AKAP9: variants seen among roughly 807,000 people sequenced by gnomAD.
The protein encoded by AKAP9 is A-kinase anchor protein 9.
Under a neutral mutation model 488.5 loss-of-function variants are expected in AKAP9, and 311 were observed. That is an observed-to-expected ratio of 0.64 (90% CI 0.58 to 0.70). The LOEUF (loss-of-function observed/expected upper bound fraction) is 0.70. Among genes scored for constraint, AKAP9 ranks in the 30% least tolerant of loss-of-function variants. AKAP9 has a pLI of 0.00. For synonymous variants in AKAP9, 1,462 were observed against 1,483.5 expected, an observed-to-expected ratio of 0.99 and a Z score of 0.33; for missense variants, 4,215 against 4,374.5, an observed-to-expected ratio of 0.96 and a Z score of 1.03.
chr7:92,084,850 T>C lies in AKAP9; in HGVS notation c.8742T>C (p.Tyr2914=). The change falls in exon 35 of 50, where the codon TAT becomes TAC. Residue 2914 remains tyrosine, a synonymous_variant. Coordinates refer to ENST00000356239, the MANE Select transcript of AKAP9 (RefSeq NM_005751.5). The part of the protein sequence containing the change: ...DSGSDWGQGI[Y]LTHSQGFDIA... ...GATCAGACTGGGGTCAGGGAATTTA[T>C]CTTACACACAGTCAGGGATTTGACA... 2 of 1,613,550 alleles carry C rather than the reference T, an allele frequency of 1.2e-6. No individual in the cohort carries two copies. The highest frequency in any genetic ancestry group is 1.7e-6 in the Non-Finnish European group (2 of 1,179,682).
intron 12 of AKAP9, among the ~76,000 whole-genome samples, chr7:92,020,753 C>T (rs1026728903): frequency 3.3e-5 from 5 of 152,118 alleles, no homozygotes; most frequent in Non-Finnish European, 5.9e-5. Flanking sequence ...AAAGGTTGGA[C>T]TGGAAACTTA....
At chr7:91,942,871 A>C (rs1367480342) in intron 1 of AKAP9, among the ~76,000 whole-genome samples, 1 of 152,064 alleles carries the variant, frequency 6.6e-6, no homozygotes, top group Non-Finnish European at 1.5e-5. Flanking sequence ...TTTTTCCAGT[A>C]AGATATAAAT....
chr7:92,073,881 A>G (rs184862708), intron 28 of AKAP9, among the ~76,000 whole-genome samples: 1 of 152,374 alleles, frequency 6.6e-6, no homozygotes, highest in African/African-American at 2.4e-5. Context: ...TTAACTCAAG[A>G]TGGATTAAAG....
intron 39 of AKAP9, 148 bp from the exon 40 acceptor site, chr7:92,094,875 C>A (rs924440699): frequency 7.4e-6 from 5 of 679,360 alleles, no homozygotes; most frequent in African/African-American, 1.8e-5. Flanking sequence ...TTGAAATGAA[C>A]CCCAGTCAAG....
At position 92,061,380 on chromosome 7, in the gene AKAP9, A is replaced by G. The variant is rs780599681; in HGVS notation, c.5722A>G (p.Arg1908Gly). 96 of 1,612,916 alleles carry G rather than the reference A, an allele frequency of 6.0e-5. No individual in the cohort carries two copies. In the South Asian group the frequency reaches 7.8e-4, roughly 13 times the overall value. Residue 1908 changes from arginine to glycine, a missense_variant, in exon 23 of 50, where the codon AGG (arginine) becomes GGG (glycine). Arg to Gly is a moderately radical substitution (Grantham distance 125). Around this residue, in one of 5 missense-constraint regions of AKAP9, gnomAD observed 2,361 missense variants for 2,430.0 expected, o/e 0.97. Coordinates refer to ENST00000356239, the MANE Select transcript of AKAP9 (RefSeq NM_005751.5). ...TCGAGAGCGCCTTCATGAGGAGTCC[A>G]GGGCCAGAGAACAGCTAGCTGTGGA... ...ELRERLHEES[R>G]AREQLAVELS... is the part of the protein sequence containing the mutation.
At chr7:92,025,729 A>G (rs1803003381) in intron 14 of AKAP9, among the ~76,000 whole-genome samples, 1 of 152,182 alleles carries the variant, frequency 6.6e-6, no homozygotes, top group South Asian at 2.1e-4. Flanking sequence ...AAACATTTCT[A>G]AATAGTAATA....
intron 17 of AKAP9, 28 bp from the exon 18 acceptor site, chr7:92,040,646 G>GTTTTT (rs71292989): frequency 1.7e-5 from 19 of 1,118,880 alleles, no homozygotes; most frequent in South Asian, 9.0e-5. Context: ...TGGTTGAATT[G>GTTTTT]TTTTTTTTTT....
intron 1 of AKAP9, among the ~76,000 whole-genome samples, chr7:91,955,992 A>AT (rs1296502416): frequency 2.6e-5 from 4 of 152,066 alleles, no homozygotes; most frequent in Non-Finnish European, 5.9e-5. Flanking sequence ...GTATTTCCTC[A>AT]TTTTCCATAA....
chr7:92,074,560 C>A (rs1812248624), intron 28 of AKAP9, among the ~76,000 whole-genome samples: 1 of 152,160 alleles, frequency 6.6e-6, no homozygotes, highest in Admixed American at 6.5e-5. Flanking sequence ...GATACATGCA[C>A]ACATAGGTTT....
At chr7:92,007,734 G>C (rs1028090451) in intron 8 of AKAP9, among the ~76,000 whole-genome samples, 13 of 152,140 alleles carry the variant, frequency 8.5e-5, no homozygotes, top group African/African-American at 3.1e-4. Flanking sequence ...ATCTGGAGAA[G>C]AAATGCACAA....
intron 21 of AKAP9, among the ~76,000 whole-genome samples, chr7:92,048,609 T>C: frequency 6.6e-6 from 1 of 152,296 alleles, no homozygotes; most frequent in East Asian, 1.9e-4. Context: ...TGCTGTCTTA[T>C]AGAAGGAATG....
At chr7:92,057,908 T>C (rs1347925023) in intron 22 of AKAP9, 1 of 227,944 alleles carries the variant, frequency 4.4e-6, no homozygotes, top group African/African-American at 2.2e-5. Context: ...TTTTGGTTTT[T>C]GTTTTGGTTT....
intron 35 of AKAP9, 128 bp from the exon 36 acceptor site, chr7:92,085,367 C>T: frequency 1.1e-6 from 1 of 876,352 alleles, no homozygotes; most frequent in Non-Finnish European, 1.8e-6. Context: ...AGAAGGCATT[C>T]AGTAATGTTG....
At chr7:91,978,241 CA>C (rs11295179) in intron 2 of AKAP9, among the ~76,000 whole-genome samples, 39,414 of 88,802 alleles carry the variant, frequency 0.44, 4,701 homozygotes, top group African/African-American at 0.48. Context: ...GACTCTGTCT[CA>C]AAAAAAAAAA....
chr7:92,096,075 C>G (rs959921100), intron 40 of AKAP9, among the ~76,000 whole-genome samples: 1 of 152,052 alleles, frequency 6.6e-6, no homozygotes, highest in East Asian at 1.9e-4. Flanking sequence ...CTTATCAAAA[C>G]GTAAGATCTC....
At chr7:91,953,144 A>G (rs149983266) in intron 1 of AKAP9, among the ~76,000 whole-genome samples, 2 of 152,344 alleles carry the variant, frequency 1.3e-5, no homozygotes, top group East Asian at 3.9e-4. Context: ...CAGAGGGGAT[A>G]CATCAGTAAA....
intron 21 of AKAP9, among the ~76,000 whole-genome samples, chr7:92,047,708 A>G (rs1243284788): frequency 2.6e-5 from 4 of 152,242 alleles, no homozygotes; most frequent in Non-Finnish European, 5.9e-5. Flanking sequence ...TGAATCAACT[A>G]AAACCTTTAA....
At chr7:92,029,100 T>C (rs1803792419) in intron 14 of AKAP9, among the ~76,000 whole-genome samples, 2 of 151,254 alleles carry the variant, frequency 1.3e-5, no homozygotes, top group South Asian at 2.1e-4. Context: ...TTGCCAGAAA[T>C]GAAAATTATA....
chr7:92,098,134 G>C lies in AKAP9; in HGVS notation c.10633G>C (p.Glu3545Gln), dbSNP rs1816925987. ...ACTACAGTTTGAAACAGCAGATGATGAAGATTTCATTTGGGTTCAGGAAAA... is the reference window on the plus strand; with the variant it reads ...ACTACAGTTTGAAACAGCAGATGATCAAGATTTCATTTGGGTTCAGGAAAA... ...ERLQFETADD[E>Q]DFIWVQENID... The change falls in exon 43 of 50, where the codon GAA (glutamate) becomes CAA (glutamine). Residue 3545 changes from glutamate to glutamine, a missense_variant. Physicochemically the swap from Glu to Gln is conservative, Grantham distance 29. Transcript: ENST00000356239. 2 of 1,611,712 alleles carry C rather than the reference G, an allele frequency of 1.2e-6. No homozygotes were observed. The highest frequency in any genetic ancestry group is 3.3e-5 in the Admixed American group (2 of 59,978).
Sources: gnomAD v4.1 joint callset for allele counts (sites outside exome capture counted in the v4.1 genomes callset) on GRCh38, gnomAD v4.1.1 for gene constraint, gnomAD v4.1.1 regional missense constraint, MANE v1.5 for transcripts, NCBI Gene and HGNC (gene_info 2026-07-23, HGNC 2026-07-21) for gene names.